Variants in MRAP observed in about 807,000 individuals in gnomAD.
The protein encoded by MRAP is melanocortin 2 receptor accessory protein.
A neutral mutation model predicts 8.7 loss-of-function variants in MRAP; 8 were observed. That is an observed-to-expected ratio of 0.92 (90% confidence interval 0.54 to 1.66). The LOEUF is 1.66. MRAP is among the 40% of genes most tolerant of loss of function. MRAP has a pLI of 0.00. For missense variants in MRAP, 237 were observed against 217.1 expected (o/e 1.09, Z -0.58); for synonymous variants, 95 against 95.5 (o/e 1.00, Z 0.03).
downstream of MRAP, chr21:32,314,546 T>G: frequency 1.9e-6 from 3 of 1,613,172 alleles, no homozygotes; most frequent in Non-Finnish European, 2.5e-6. Flanking sequence ...CTTTTGACAT[T>G]TCAGCTTTAA....
chr21:32,296,748 T>C (rs35104134), upstream of MRAP, among the ~76,000 whole-genome samples: 8,331 of 152,218 alleles, frequency 0.055, 326 homozygotes, highest in Middle Eastern at 0.11. Context: ...ATACAAAAAG[T>C]ACAGTAAAAA....
rs116425650 is a variant in MRAP, at chr21:32,302,699, C to T, written c.106+3622C>T. Reference sequence around the variant, plus strand: ...CAAGCCATGCTCTGACCATCACATCCGTGTTCACGGAGCAACATGGAGTAA... The same window carrying T: ...CAAGCCATGCTCTGACCATCACATCTGTGTTCACGGAGCAACATGGAGTAA... On this transcript the variant is annotated intron_variant, in intron 1 of 2. Transcript: ENST00000303645. 6.0e-3 allele frequency among the ~76,000 whole-genome samples: 917 copies of T among 152,300 alleles called. 11 individuals are homozygous for T. Among genetic ancestry groups the T allele is most frequent in the African/African-American group, 0.02 (851 of 41,566 alleles).
At chr21:32,309,459 T>TG (rs1445694883) in intron 2 of MRAP, among the ~76,000 whole-genome samples, 1 of 150,202 alleles carries the variant, frequency 6.7e-6, no homozygotes, top group African/African-American at 2.5e-5. Flanking sequence ...ATTTTTTTTT[T>TG]TTTGTTTTTG....
chr21:32,312,060 T>C lies in MRAP; in HGVS notation c.*64T>C, dbSNP rs1382415277. The C allele has an allele frequency of 2.5e-6, 4 of 1,607,214 alleles. No homozygotes were observed. Among genetic ancestry groups the C allele is most frequent in the Admixed American group, 3.3e-5 (2 of 59,938 alleles). On this transcript the variant is annotated 3_prime_UTR_variant, in exon 3 of 3. Transcript: ENST00000303645. ...AATCAAGCCAACCTGGACACATACG[T>C]TCCTCGTTCTTCTTAGAGGCCATTT...
At chr21:32,309,576 C>T (rs1024774439) in intron 2 of MRAP, among the ~76,000 whole-genome samples, 2 of 149,834 alleles carry the variant, frequency 1.3e-5, no homozygotes, top group African/African-American at 4.9e-5. Flanking sequence ...CTCAGCCTCC[C>T]GAGTAGCTGG....
downstream of MRAP, chr21:32,314,405 G>C (rs974059706): frequency 7.3e-6 from 5 of 681,000 alleles, no homozygotes; most frequent in African/African-American, 8.9e-5. Context: ...GGCTGGTTTC[G>C]AACTCCTGAC....
intron 1 of MRAP, among the ~76,000 whole-genome samples, chr21:32,304,965 G>GTTTTTTTTTTTTTTTTTT (rs537525538): frequency 8.2e-4 from 64 of 78,102 alleles, no homozygotes; most frequent in African/African-American, 1.7e-3. Context: ...TTTTTTTGTT[G>GTTTTTTTTTTTTTTTTTT]TTTTTTTTTT....
At chr21:32,308,650 C>T (rs551371423) in intron 2 of MRAP, 11 of 152,834 alleles carry the variant, frequency 7.2e-5, no homozygotes, top group East Asian at 3.9e-4. Flanking sequence ...ATTTTGCCAT[C>T]GCTCACCCGA....
downstream of MRAP, chr21:32,314,601 G>T (rs115917390): frequency 1.4e-3 from 2,274 of 1,614,094 alleles, 19 homozygotes; most frequent in African/African-American, 0.026. Context: ...CCTCAAACTC[G>T]AGCTATTTCC....
downstream of MRAP, chr21:32,314,345 T>C: frequency 2.1e-6 from 1 of 481,082 alleles, no homozygotes; most frequent in South Asian, 2.0e-5. Context: ...CTACCATGCC[T>C]GGCTAATTTT....
At chr21:32,299,620 C>T (rs1036834765) in intron 1 of MRAP, among the ~76,000 whole-genome samples, 7 of 152,134 alleles carry the variant, frequency 4.6e-5, no homozygotes, top group Admixed American at 2.6e-4. Context: ...TGTGAGCCAC[C>T]GTGCCTGGCG....
rs974563436 is a variant in MRAP at position 32,293,358 on chromosome 21, G to T, written c.-11+226G>T. Among the ~76,000 whole-genome samples the T allele has an allele frequency of 3.6e-4, 54 of 152,092 alleles. 1 individual carries two copies. The highest frequency in any genetic ancestry group is 3.5e-3 in the Admixed American group (53 of 15,256). On this transcript the variant is annotated intron_variant, in intron 2 of 4. Transcript: ENST00000399784. ...AAAAAAAAATAGAAATTGACATAAG[G>T]TAAGACACCAAATCTATGTTGTTTT...
upstream of MRAP, among the ~76,000 whole-genome samples, chr21:32,296,530 C>T (rs1305179571): frequency 2.0e-5 from 3 of 152,186 alleles, no homozygotes; most frequent in Middle Eastern, 3.4e-3. Context: ...TAGGTGATTT[C>T]GTTATTGTGT....
At chr21:32,298,677 C>G (rs899193897), upstream of MRAP, among the ~76,000 whole-genome samples, 1 of 152,158 alleles carries the variant, frequency 6.6e-6, no homozygotes, top group South Asian at 2.1e-4. Context: ...AGAGAGGGAT[C>G]CTAGGGCTGC....
At chr21:32,309,242 G>C (rs1416884816) in intron 2 of MRAP, among the ~76,000 whole-genome samples, 2 of 151,752 alleles carry the variant, frequency 1.3e-5, no homozygotes, top group African/African-American at 2.4e-5. Context: ...TCCCAGTGTT[G>C]CCACACTGGG....
At chr21:32,294,438 A>G (rs1324041291), upstream of MRAP, among the ~76,000 whole-genome samples, 1 of 152,060 alleles carries the variant, frequency 6.6e-6, no homozygotes, top group Non-Finnish European at 1.5e-5. Flanking sequence ...TTTTAATTGC[A>G]TCTCCCTGAT....
At chr21:32,302,144 T>C (rs975135422) in intron 1 of MRAP, among the ~76,000 whole-genome samples, 1 of 152,232 alleles carries the variant, frequency 6.6e-6, no homozygotes, top group African/African-American at 2.4e-5. Flanking sequence ...CAAAACATTC[T>C]AGCAAACATC....
Position 32,311,762 on chromosome 21 carries a change from G to A in MRAP, c.285G>A (p.Pro95=), listed in dbSNP as rs779122471. The A allele has an allele frequency of 1.7e-5, 28 of 1,614,012 alleles. No individual in the cohort carries two copies. Among genetic ancestry groups the A allele is most frequent in the East Asian group, 6.7e-5 (3 of 44,890 alleles). The change falls in exon 3 of 3, where the codon CCG becomes CCA. Residue 95 remains proline (P), a synonymous_variant. Coordinates refer to ENST00000303645, the MANE Select transcript of MRAP (RefSeq NM_001379228.1). ...NLHLCIQKCL[P]CHREPLATSQ... is the part of the protein sequence containing the mutation. ...ACCTCTGCATCCAGAAGTGCCTGCC[G>A]TGCCACAGGGAACCCCTGGCAACCT...
At chr21:32,306,503 T>C in intron 1 of MRAP, 137 bp from the exon 2 acceptor site, 1 of 722,044 alleles carries the variant, frequency 1.4e-6, no homozygotes, top group Non-Finnish European at 2.5e-6. Context: ...ATCTTCCCCA[T>C]GGTAACAGCT....
Sources: gnomAD v4.1 joint callset for allele counts (sites outside exome capture counted in the v4.1 genomes callset) on GRCh38, gnomAD v4.1.1 for gene constraint, MANE v1.5 for transcripts, NCBI Gene and HGNC (gene_info 2026-07-23, HGNC 2026-07-21) for gene names.